SHANK2: variants seen among roughly 807,000 people sequenced by gnomAD.
SHANK2 encodes the protein SH3 and multiple ankyrin repeat domains 2, also known as SH3 and multiple ankyrin repeat domains protein 2.
Under a neutral mutation model 133.7 loss-of-function variants are expected in SHANK2, and 43 were observed. The observed-to-expected ratio is 0.32, with a 90% CI of 0.25 to 0.41. The LOEUF is 0.41. SHANK2 is among the 10% of genes least tolerant of loss of function. The pLI is 1.00. For missense variants in SHANK2, 1,994 were observed against 2,235.8 expected, an observed-to-expected ratio of 0.89 and a Z score of 2.18; for synonymous variants, 1,017 against 952.8, an observed-to-expected ratio of 1.07 and a Z score of -1.24.
At chr11:70,504,360 C>T (rs528761382) in intron 17 of SHANK2, among the ~76,000 whole-genome samples, 356 of 151,402 alleles carry the variant, frequency 2.4e-3, no homozygotes, top group Admixed American at 5.0e-3. Context: ...GCCTGGCTCC[C>T]CATACTGTTG....
At chr11:70,602,944 A>G (rs577308205) in intron 17 of SHANK2, among the ~76,000 whole-genome samples, 7 of 152,370 alleles carry the variant, frequency 4.6e-5, no homozygotes, top group African/African-American at 1.7e-4. Flanking sequence ...AACGAGACAC[A>G]CACACCGGGG....
intron 14 of SHANK2, among the ~76,000 whole-genome samples, chr11:70,711,185 G>A (rs1555026017): frequency 6.6e-6 from 1 of 152,178 alleles, no homozygotes; most frequent in African/African-American, 2.4e-5. Flanking sequence ...GTGTCATCCT[G>A]GTTGTGATTG....
chr11:70,599,951 GAAAGAAAGAAAGAAA>G (rs2060468655), intron 17 of SHANK2, among the ~76,000 whole-genome samples: 1 of 132,486 alleles, frequency 7.5e-6, no homozygotes, highest in Non-Finnish European at 1.6e-5. Context: ...AAGAAAGAAA[GAAAGAAAGAAAGAAA>G]GAAAGAAAAT....
chr11:70,549,860 CA>C (rs1213273413), intron 17 of SHANK2, among the ~76,000 whole-genome samples: 1 of 152,236 alleles, frequency 6.6e-6, no homozygotes, highest in East Asian at 1.9e-4. Flanking sequence ...TTTCACCAGG[CA>C]AGGGGCTTGC....
intron 17 of SHANK2, among the ~76,000 whole-genome samples, chr11:70,546,727 C>T (rs2136059826): frequency 6.6e-6 from 1 of 152,318 alleles, no homozygotes; most frequent in Admixed American, 6.5e-5. Flanking sequence ...TGGGCTGCCC[C>T]AGTCCCCTCC....
At position 70,486,127 on chromosome 11, in the gene SHANK2, A is replaced by C. The variant is rs1555153281; in HGVS notation, c.4166T>G (p.Phe1389Cys). 6.2e-7 allele frequency: 1 copy of C among 1,613,568 alleles called. No homozygotes were observed. The highest frequency in any genetic ancestry group is 2.2e-5 in the East Asian group (1 of 44,872). ...GSMEEAVILP[F>C]RIPPPPLASV... ...TGCCAGAGGGGGAGGAGGGATGCGGAATGGCAAAATCACCGCCTCTTCCAT... is the reference window on the plus strand; with the variant it reads ...TGCCAGAGGGGGAGGAGGGATGCGGCATGGCAAAATCACCGCCTCTTCCAT... The change falls in exon 25 of 26, where the codon TTC becomes TGC. Residue 1389 changes from phenylalanine to cysteine, a missense_variant. Phe to Cys is a radical substitution (Grantham distance 205). Around this residue, in one of 5 missense-constraint regions of SHANK2, gnomAD observed 797 missense variants for 907.4 expected, o/e 0.88. Transcript: ENST00000601538. This position sits in a 1 kb window ranked among gnomAD's most constrained non-coding sequence, Gnocchi z 8.0.
Position 70,502,920 on chromosome 11 carries a change from C to G in SHANK2, c.2073G>C (p.Glu691Asp). ...GCCTGTGGCCGACTTTGACAACATT[C>G]TCATTGTTAACCTGTGGGAAGGCGG... ...TGDFLIEVNN[E>D]NVVKVGHRQV... Residue 691 changes from glutamate to aspartate, a missense_variant, in exon 18 of 26, where the codon GAG becomes GAC. Physicochemically the swap from Glu to Asp is conservative, Grantham distance 45. Transcript: ENST00000601538. 3.1e-6 allele frequency: 5 copies of G among 1,614,182 alleles called. No individual in the cohort carries two copies. Among genetic ancestry groups the G allele is most frequent in the Non-Finnish European group, 4.2e-6 (5 of 1,180,034 alleles).
chr11:70,894,065 C>T (rs916270702), intron 11 of SHANK2, among the ~76,000 whole-genome samples: 21 of 152,218 alleles, frequency 1.4e-4, no homozygotes, highest in African/African-American at 5.1e-4. Context: ...TTGTCTGCAT[C>T]ATAAATAAGA....
intron 8 of SHANK2, among the ~76,000 whole-genome samples, chr11:71,077,536 T>TA (rs1457570064): frequency 6.6e-6 from 1 of 152,078 alleles, no homozygotes; most frequent in African/African-American, 2.4e-5. Context: ...ACCCGGGAAA[T>TA]ACAGAAAAGG....
Position 71,090,212 on chromosome 11 carries a change from G to A in SHANK2, c.912+2210C>T, listed in dbSNP as rs1454152431. Among the ~76,000 whole-genome samples the A allele has an allele frequency of 3.7e-4, 44 of 119,388 alleles. 2 individuals carry two copies. Among genetic ancestry groups the A allele is most frequent in the Admixed American group, 3.3e-3 (35 of 10,606 alleles). 78.3% of individuals were successfully genotyped at this position (119,388 alleles called of 152,430 possible). On this transcript the variant is annotated intron_variant, in intron 8 of 25. Coordinates refer to ENST00000601538, the MANE Select transcript of SHANK2 (RefSeq NM_012309.5). ...TGTGTGTGTGTGTATGTGTCCTGCT[G>A]CTTCTACATTCAGGGTGTATCAGCC...
chr11:70,914,200 C>T (rs549596720), intron 10 of SHANK2, among the ~76,000 whole-genome samples: 6 of 152,136 alleles, frequency 3.9e-5, no homozygotes, highest in African/African-American at 7.2e-5. Context: ...AGCCTGTTTC[C>T]GGAAATCGGG....
intron 17 of SHANK2, among the ~76,000 whole-genome samples, chr11:70,545,446 C>T (rs1239071155): frequency 3.3e-5 from 5 of 152,106 alleles, no homozygotes; most frequent in South Asian, 2.1e-4. Context: ...AGCCACCGCA[C>T]GCTCTCTCCT....
chr11:71,086,673 C>T (rs1644746439), intron 8 of SHANK2, among the ~76,000 whole-genome samples: 1 of 151,456 alleles, frequency 6.6e-6, no homozygotes, highest in African/African-American at 2.4e-5. Context: ...TGAGATCCTG[C>T]TAGAGATGGA....
At chr11:70,671,531 A>G in intron 15 of SHANK2, among the ~76,000 whole-genome samples, 1 of 152,236 alleles carries the variant, frequency 6.6e-6, no homozygotes, top group East Asian at 1.9e-4. Context: ...GCATGTGAGA[A>G]TGCACCTTAG....
At chr11:71,098,875 CCTT>C (rs1231647802) in intron 6 of SHANK2, among the ~76,000 whole-genome samples, 1 of 152,128 alleles carries the variant, frequency 6.6e-6, no homozygotes, top group Non-Finnish European at 1.5e-5. Context: ...ACAGTGGCTT[CCTT>C]CTGAGAGCAT....
chr11:70,527,834 G>A (rs1274941381), intron 17 of SHANK2, among the ~76,000 whole-genome samples: 1 of 152,208 alleles, frequency 6.6e-6, no homozygotes, highest in Non-Finnish European at 1.5e-5. Flanking sequence ...GGCAGACCAG[G>A]GCAAAGGGCA....
chr11:71,067,534 G>C (rs1442564455), intron 9 of SHANK2, among the ~76,000 whole-genome samples: 5 of 152,196 alleles, frequency 3.3e-5, no homozygotes, highest in Non-Finnish European at 5.9e-5. Flanking sequence ...TAAAAGAAGA[G>C]AGAACATTCT....
At chr11:70,891,533 G>T (rs1236654212) in intron 11 of SHANK2, among the ~76,000 whole-genome samples, 2 of 152,202 alleles carry the variant, frequency 1.3e-5, no homozygotes, top group South Asian at 4.2e-4. Context: ...AAAAACACCA[G>T]AATTTACTAT....
chr11:70,653,118 G>T (rs1018010238), intron 17 of SHANK2, among the ~76,000 whole-genome samples: 4 of 151,644 alleles, frequency 2.6e-5, no homozygotes, highest in African/African-American at 7.3e-5. Context: ...GACTACAGGC[G>T]CCCACCACCA....
Sources: gnomAD v4.1 joint callset for allele counts (sites outside exome capture counted in the v4.1 genomes callset) on GRCh38, gnomAD v4.1.1 for gene constraint, gnomAD v4.1.1 regional missense constraint, Gnocchi (gnomAD v3.1) non-coding constraint, MANE v1.5 for transcripts, NCBI Gene and HGNC (gene_info 2026-07-23, HGNC 2026-07-21) for gene names.